Variants in INVS observed in about 807,000 individuals in gnomAD.
INVS encodes the protein inversin.
In INVS, 86 loss-of-function variants were observed where a neutral mutation model predicts 108.8. That is an observed-to-expected ratio of 0.79 (90% CI 0.66 to 0.95). The LOEUF is 0.95. Ranked by LOEUF, INVS falls within the 40% of genes least tolerant of loss-of-function variation. INVS has a pLI of 0.00. For missense variants in INVS, 1,169 were observed against 1,297.4 expected, an observed-to-expected ratio of 0.90 and a Z score of 1.52; for synonymous variants, 455 against 473.5, an observed-to-expected ratio of 0.96 and a Z score of 0.51.
At position 100,175,242 on chromosome 9, in the gene INVS, CTT is replaced by C; in HGVS notation, c.273+48695_273+48696del. 3 of 615,796 alleles carry C rather than the reference CTT, an allele frequency of 4.9e-6. No individual in the cohort carries two copies. In the South Asian group the frequency reaches 5.1e-5, roughly 10 times the overall value. 38.1% of individuals were successfully genotyped at this position (615,796 alleles called of 1,614,324 possible). A position where few individuals can be genotyped will look rare whatever the true frequency, so the allele number is the denominator to read the frequency against. Reference sequence around the variant, plus strand: ...TCTGAAGCATCCAACTGTAAAGACTCTTTGCCAATGTCTGTGATTTGTGGGCC... The same window carrying C: ...TCTGAAGCATCCAACTGTAAAGACTCTGCCAATGTCTGTGATTTGTGGGCC... On this transcript the variant is annotated intron_variant, in intron 3 of 16. Transcript: ENST00000262457.
At chr9:100,269,047 T>C (rs1832872470) in intron 11 of INVS, among the ~76,000 whole-genome samples, 1 of 152,234 alleles carries the variant, frequency 6.6e-6, no homozygotes, top group Admixed American at 6.5e-5. Context: ...CAAATACGTA[T>C]GTTGTTTGCA....
At chr9:100,148,468 A>T (rs1298373591) in intron 3 of INVS, among the ~76,000 whole-genome samples, 1 of 152,186 alleles carries the variant, frequency 6.6e-6, no homozygotes. Flanking sequence ...ATGGCAGAAA[A>T]TTCCAAGGGA....
At chr9:100,202,533 A>G (rs903186128) in intron 3 of INVS, among the ~76,000 whole-genome samples, 7 of 152,024 alleles carry the variant, frequency 4.6e-5, no homozygotes, top group Non-Finnish European at 8.8e-5. Context: ...CAAATCCTAA[A>G]TGTTTTCATC....
chr9:100,249,409 A>G (rs964539144), intron 8 of INVS, among the ~76,000 whole-genome samples: 1 of 152,212 alleles, frequency 6.6e-6, no homozygotes, highest in Non-Finnish European at 1.5e-5. Context: ...AAATTTTTTT[A>G]AAAAATAAAA....
intron 3 of INVS, among the ~76,000 whole-genome samples, chr9:100,187,822 A>T (rs1830099130): frequency 6.6e-6 from 1 of 152,160 alleles, no homozygotes; most frequent in African/African-American, 2.4e-5. Flanking sequence ...ATCCAGCCTC[A>T]TCTATGATTT....
At chr9:100,112,219 G>A (rs1298832914) in intron 2 of INVS, among the ~76,000 whole-genome samples, 5 of 152,060 alleles carry the variant, frequency 3.3e-5, no homozygotes, top group Non-Finnish European at 5.9e-5. Flanking sequence ...TGATCCACCC[G>A]CCTCAGCCTC....
chr9:100,160,182 C>A (rs73656950), intron 3 of INVS, among the ~76,000 whole-genome samples: 2,070 of 152,308 alleles, frequency 0.014, 35 homozygotes, highest in African/African-American at 0.048. Flanking sequence ...GTTCCACTCT[C>A]TACGCATGGA....
chr9:100,249,174 G>A lies in INVS; in HGVS notation c.1078+2387G>A, dbSNP rs561368837. 5.1e-3 allele frequency among the ~76,000 whole-genome samples: 770 copies of A among 152,192 alleles called. 4 individuals are homozygous for A. Among genetic ancestry groups the A allele is most frequent in the Non-Finnish European group, 8.9e-3 (608 of 68,020 alleles). ...CACCTAACATATAAAGCAAGTAAGG[G>A]TTGAGTGGTTCTGACTAAATCAGAA... On this transcript the variant is annotated intron_variant, in intron 8 of 16. Transcript: ENST00000262457.
intron 10 of INVS, among the ~76,000 whole-genome samples, chr9:100,261,120 C>T (rs1197763764): frequency 6.6e-6 from 1 of 151,922 alleles, no homozygotes; most frequent in African/African-American, 2.4e-5. Flanking sequence ...TTATGTTTTC[C>T]AAGTCAGAAA....
At chr9:100,160,981 T>A (rs1022580732) in intron 3 of INVS, among the ~76,000 whole-genome samples, 1 of 147,784 alleles carries the variant, frequency 6.8e-6, no homozygotes, top group Non-Finnish European at 1.5e-5. Context: ...AAAAAAGCTC[T>A]GTTGATCTTG....
intron 2 of INVS, among the ~76,000 whole-genome samples, chr9:100,111,750 A>G (rs1254009083): frequency 6.6e-6 from 1 of 152,194 alleles, no homozygotes; most frequent in Non-Finnish European, 1.5e-5. Context: ...TGCGGTGTAG[A>G]TTGGACAAGT....
At chr9:100,260,186 C>CT (rs372496395) in intron 10 of INVS, among the ~76,000 whole-genome samples, 14,097 of 101,516 alleles carry the variant, frequency 0.14, 1,473 homozygotes, top group Non-Finnish European at 0.2. Context: ...ATTTTCTTTT[C>CT]TTTTTTTTTT....
rs1049869712 is a variant in INVS, at chr9:100,301,876, C to CAAAG, written c.*1204_*1207dup. On this transcript the variant is annotated 3_prime_UTR_variant, in exon 17 of 17. Transcript: ENST00000262457. ...AAGGAGGTCTGCCTGGATGGAATTA[C>CAAAG]AAAGATTTAGCCAGTTTCTTGGTAT... 7.2e-5 allele frequency among the ~76,000 whole-genome samples: 11 copies of CAAAG among 152,058 alleles called. No homozygotes were observed. Among genetic ancestry groups the CAAAG allele is most frequent in the African/African-American group, 1.2e-4 (5 of 41,396 alleles).
At chr9:100,109,886 C>T (rs1382719236) in intron 2 of INVS, among the ~76,000 whole-genome samples, 1 of 152,186 alleles carries the variant, frequency 6.6e-6, no homozygotes, top group African/African-American at 2.4e-5. Flanking sequence ...AGGCTGGTCT[C>T]GAACTCCCGA....
chr9:100,178,042 T>C (rs1367650067), intron 3 of INVS, among the ~76,000 whole-genome samples: 2 of 152,190 alleles, frequency 1.3e-5, no homozygotes, highest in African/African-American at 4.8e-5. Flanking sequence ...GGGGCCTGAC[T>C]ATTAGAAGGA....
intron 3 of INVS, chr9:100,176,194 C>A: frequency 6.2e-6 from 2 of 323,506 alleles, no homozygotes; most frequent in Non-Finnish European, 1.2e-5. Flanking sequence ...TCCTTTATGC[C>A]TATCAAGTCG....
intron 10 of INVS, among the ~76,000 whole-genome samples, chr9:100,259,630 C>T (rs1349499687): frequency 3.3e-5 from 5 of 151,354 alleles, no homozygotes; most frequent in East Asian, 2.0e-4. Flanking sequence ...CTCCACCTCC[C>T]GGGTTCAAGC....
At chr9:100,100,608 T>C (rs1393789249) in intron 1 of INVS, among the ~76,000 whole-genome samples, 1 of 92,974 alleles carries the variant, frequency 1.1e-5, no homozygotes, top group South Asian at 2.6e-4. Context: ...ACATATAATA[T>C]ATATAATATA....
intron 3 of INVS, among the ~76,000 whole-genome samples, chr9:100,198,361 G>A (rs538156800): frequency 3.1e-5 from 4 of 129,608 alleles, no homozygotes; most frequent in Middle Eastern, 5.3e-3. Flanking sequence ...GCAACGGTGC[G>A]ATCTTGGCTC....
Sources: allele counts gnomAD v4.1 joint callset (sites outside exome capture counted in the v4.1 genomes callset), GRCh38; gene constraint gnomAD v4.1.1; transcripts MANE v1.5; gene names NCBI Gene and HGNC (gene_info 2026-07-23, HGNC 2026-07-21).